Variants in EDAR observed in about 807,000 individuals in gnomAD.
EDAR encodes ectodysplasin A receptor, also known as tumor necrosis factor receptor superfamily member EDAR.
In EDAR, 38 loss-of-function variants were observed where a neutral mutation model predicts 51.3. The observed-to-expected ratio is 0.74, with a 90% CI of 0.57 to 0.97. The LOEUF (loss-of-function observed/expected upper bound fraction) is 0.97, where lower values mean the gene tolerates loss of function less well. Ranked by LOEUF, EDAR falls within the 50% of genes least tolerant of loss-of-function variation. EDAR has a pLI of 0.00. For synonymous variants in EDAR, 227 were observed against 242.1 expected (o/e 0.94, Z 0.58); for missense variants, 528 against 595.0 (o/e 0.89, Z 1.17).
At chr2:108,921,911 A>C (rs1697148395) in intron 5 of EDAR, among the ~76,000 whole-genome samples, 1 of 152,234 alleles carries the variant, frequency 6.6e-6, no homozygotes, top group South Asian at 2.1e-4. Context: ...CCGGATTCTA[A>C]GGCCCTACCC....
At chr2:108,940,907 C>G (rs548793734) in intron 1 of EDAR, among the ~76,000 whole-genome samples, 9 of 152,276 alleles carry the variant, frequency 5.9e-5, no homozygotes, top group African/African-American at 1.9e-4. Context: ...TTGCAATAAG[C>G]TTCACATTTT....
chr2:108,960,541 G>A lies in EDAR; in HGVS notation c.-19+28419C>T, dbSNP rs760432074. On this transcript the variant is annotated intron_variant, in intron 1 of 11. Transcript: ENST00000258443. ...CACACCTGTCTCTGCTGCCCCGTCAGCCAGCAGAAAAGTGGACAACAACTT... is the reference window on the plus strand; with the variant it reads ...CACACCTGTCTCTGCTGCCCCGTCAACCAGCAGAAAAGTGGACAACAACTT... Among the ~76,000 whole-genome samples the A allele has an allele frequency of 8.5e-5, 13 of 152,328 alleles. No homozygotes were observed. The South Asian group carries it at 2.3e-3, about 27-fold the overall frequency.
intron 1 of EDAR, among the ~76,000 whole-genome samples, chr2:108,970,651 C>G (rs999418873): frequency 1.3e-5 from 2 of 152,064 alleles, no homozygotes; most frequent in Non-Finnish European, 2.9e-5. Flanking sequence ...TTCCTTCCTG[C>G]TCAGGGGATG....
chr2:108,925,117 G>A (rs1297265132), intron 4 of EDAR, among the ~76,000 whole-genome samples: 2 of 150,742 alleles, frequency 1.3e-5, no homozygotes, highest in Non-Finnish European at 3.0e-5. Flanking sequence ...GGCCCTCCAG[G>A]GCAAGCCTTG....
intron 5 of EDAR, among the ~76,000 whole-genome samples, chr2:108,913,828 T>C (rs1696977168): frequency 6.6e-6 from 1 of 151,508 alleles, no homozygotes; most frequent in Non-Finnish European, 1.5e-5. Flanking sequence ...CAGGCGCCTG[T>C]AGTCCCAGCT....
At chr2:108,961,675 C>G (rs971714288) in intron 1 of EDAR, among the ~76,000 whole-genome samples, 1 of 152,216 alleles carries the variant, frequency 6.6e-6, no homozygotes, top group Non-Finnish European at 1.5e-5. Flanking sequence ...CACATTCATT[C>G]TGATGCAAGG....
chr2:108,901,568 A>G (rs551161396), intron 11 of EDAR, among the ~76,000 whole-genome samples: 87 of 152,212 alleles, frequency 5.7e-4, no homozygotes, highest in Non-Finnish European at 1.0e-3. Flanking sequence ...ACTGACAAGG[A>G]AAAAATAGAG....
chr2:108,973,239 C>A (rs1698265955), intron 1 of EDAR, among the ~76,000 whole-genome samples: 6 of 152,208 alleles, frequency 3.9e-5, no homozygotes, highest in Non-Finnish European at 1.5e-5. Context: ...CTGCCTGCTT[C>A]GGCCTCCCAA....
intron 1 of EDAR, among the ~76,000 whole-genome samples, chr2:108,960,943 A>T (rs1163885269): frequency 6.6e-6 from 1 of 152,234 alleles, no homozygotes; most frequent in Non-Finnish European, 1.5e-5. Context: ...AAAGTTTTTC[A>T]CTATTATAAT....
chr2:108,948,914 T>C (rs904662483), intron 1 of EDAR, among the ~76,000 whole-genome samples: 1 of 152,136 alleles, frequency 6.6e-6, no homozygotes, highest in Admixed American at 6.6e-5. Flanking sequence ...GGCCAGGAGT[T>C]CAAGACTGGT....
intron 1 of EDAR, among the ~76,000 whole-genome samples, chr2:108,942,130 G>A (rs1697612063): frequency 6.6e-6 from 1 of 152,232 alleles, no homozygotes; most frequent in African/African-American, 2.4e-5. Flanking sequence ...TCAGCCTGCT[G>A]AGCATATTCG....
At chr2:108,897,498 A>G (rs1696622561) in intron 11 of EDAR, among the ~76,000 whole-genome samples, 1 of 152,174 alleles carries the variant, frequency 6.6e-6, no homozygotes, top group South Asian at 2.1e-4. Context: ...TGACAATGAT[A>G]ATAATTCCCT....
At chr2:108,968,743 T>A (rs1199976101) in intron 1 of EDAR, among the ~76,000 whole-genome samples, 1 of 152,156 alleles carries the variant, frequency 6.6e-6, no homozygotes, top group Non-Finnish European at 1.5e-5. Flanking sequence ...CAAAAAGCCA[T>A]CGAACACTAG....
chr2:108,907,887 C>A lies in EDAR; in HGVS notation c.936G>T (p.Lys312Asn), dbSNP rs1312967441. Residue 312 changes from lysine to asparagine, a missense_variant, in exon 10 of 12, where the codon AAG becomes AAT. Lys to Asn is a moderately conservative substitution (Grantham distance 94). Coordinates refer to ENST00000258443, the MANE Select transcript of EDAR (RefSeq NM_022336.4). Reference protein sequence around the residue: ...LLSLVHLAREKSATSNKSAGI... With the variant: ...LLSLVHLARENSATSNKSAGI... ...CGGCTGACTTGTTGCTGGTGGCAGACTTCTCCCTGGCCAGGTGAACCAGCG... is the reference window on the plus strand; with the variant it reads ...CGGCTGACTTGTTGCTGGTGGCAGAATTCTCCCTGGCCAGGTGAACCAGCG... 4 of 1,613,674 alleles carry A rather than the reference C, an allele frequency of 2.5e-6. No individual in the cohort carries two copies. Among genetic ancestry groups the A allele is most frequent in the Admixed American group, 1.7e-5 (1 of 60,020 alleles).
At chr2:108,918,244 C>G (rs990404631) in intron 5 of EDAR, among the ~76,000 whole-genome samples, 3 of 152,218 alleles carry the variant, frequency 2.0e-5, no homozygotes, top group Admixed American at 2.0e-4. Flanking sequence ...GGCACCGGCA[C>G]CCCCTGCACC....
At chr2:108,946,925 G>A (rs968121911) in intron 1 of EDAR, among the ~76,000 whole-genome samples, 1 of 151,770 alleles carries the variant, frequency 6.6e-6, no homozygotes, top group Non-Finnish European at 1.5e-5. Flanking sequence ...AACCAATCAT[G>A]CCTTCCCAAC....
chr2:108,919,249 C>T (rs1438239344), intron 5 of EDAR, among the ~76,000 whole-genome samples: 1 of 152,230 alleles, frequency 6.6e-6, no homozygotes, highest in Non-Finnish European at 1.5e-5. Flanking sequence ...GCAGAGATTT[C>T]TCCAAAAGGC....
intron 8 of EDAR, 117 bp from the exon 9 acceptor site, chr2:108,910,649 C>T (rs1343079707): frequency 7.1e-7 from 1 of 1,411,458 alleles, no homozygotes; most frequent in Middle Eastern, 1.9e-4. Flanking sequence ...TGTGGCACCA[C>T]CCCACGGTAA....
intron 1 of EDAR, among the ~76,000 whole-genome samples, chr2:108,955,072 A>G (rs1268014641): frequency 6.6e-6 from 1 of 152,098 alleles, no homozygotes; most frequent in Non-Finnish European, 1.5e-5. Flanking sequence ...AATTTTAATA[A>G]TAGCATTAAA....
Sources: gnomAD v4.1 joint callset for allele counts (sites outside exome capture counted in the v4.1 genomes callset) on GRCh38, gnomAD v4.1.1 for gene constraint, MANE v1.5 for transcripts, NCBI Gene and HGNC (gene_info 2026-07-23, HGNC 2026-07-21) for gene names.